KANK4: variants seen among roughly 807,000 people sequenced by gnomAD.
The protein encoded by KANK4 is KN motif and ankyrin repeat domain-containing protein 4.
A neutral mutation model predicts 80.8 loss-of-function variants in KANK4; 50 were observed. The observed-to-expected ratio is 0.62, with a 90% CI of 0.49 to 0.78. KANK4 has a LOEUF of 0.78. Among genes scored for constraint, KANK4 ranks in the 30% least tolerant of loss-of-function variants. KANK4 has a pLI of 0.00. For missense variants in KANK4, 1,196 were observed against 1,240.1 expected (o/e 0.96, Z 0.53); for synonymous variants, 465 against 506.9 (o/e 0.92, Z 1.11).
At position 62,299,230 on chromosome 1, in the gene KANK4, A is replaced by T. The variant is rs187948593; in HGVS notation, c.-70-17596T>A. On this transcript the variant is annotated intron_variant, in intron 1 of 9. Transcript: ENST00000371153. ...ATGCCATGATGCCTGGCTAATTTTT[A>T]AAAAATTTTTTGTAAAGACAGGCTC... is the stretch of plus-strand genomic sequence containing the variant. Among the ~76,000 whole-genome samples, 20 of 152,290 alleles carry T rather than the reference A, an allele frequency of 1.3e-4. 1 individual carries two copies. In the East Asian group the frequency reaches 3.3e-3, roughly 25 times the overall value.
chr1:62,294,457 G>C (rs958232181), intron 1 of KANK4, among the ~76,000 whole-genome samples: 1 of 152,238 alleles, frequency 6.6e-6, no homozygotes, highest in African/African-American at 2.4e-5. Flanking sequence ...GAATTCAGCA[G>C]ATGCCTCTGC....
chr1:62,240,901 T>C (rs944060633), intron 9 of KANK4, among the ~76,000 whole-genome samples: 2 of 152,058 alleles, frequency 1.3e-5, no homozygotes, highest in East Asian at 1.9e-4. Context: ...CTCAATCCCA[T>C]GTACAGAATT....
Position 62,236,393 on chromosome 1 carries a change from C to T in KANK4, c.*1884G>A, listed in dbSNP as rs758182811. ...GAACATTTATTAACGTAGGATGTTG[C>T]TCTTACAATGTATTTTGAGGTCAAA... is the stretch of plus-strand genomic sequence containing the variant. On this transcript the variant is annotated 3_prime_UTR_variant, in exon 10 of 10. Coordinates refer to ENST00000371153, the MANE Select transcript of KANK4 (RefSeq NM_181712.5). Among the ~76,000 whole-genome samples the T allele has an allele frequency of 2.6e-5, 4 of 152,106 alleles. No individual in the cohort carries two copies. The highest frequency in any genetic ancestry group is 4.4e-5 in the Non-Finnish European group (3 of 68,032).
chr1:62,238,267 T>C lies in KANK4; in HGVS notation c.*10A>G. ...GCTTTTGTTCCCCACGGCCAGTTCTTCTGCAGCCCCTACAGCCCCAGGGAC... is the reference window on the plus strand; with the variant it reads ...GCTTTTGTTCCCCACGGCCAGTTCTCCTGCAGCCCCTACAGCCCCAGGGAC... On this transcript the variant is annotated 3_prime_UTR_variant, in exon 10 of 10. Transcript: ENST00000371153. 6.2e-7 allele frequency: 1 copy of C among 1,605,322 alleles called. No homozygotes were observed.
At chr1:62,297,995 C>A (rs2296518) in intron 1 of KANK4, among the ~76,000 whole-genome samples, 32,448 of 152,006 alleles carry the variant, frequency 0.21, 3,821 homozygotes, top group Middle Eastern at 0.35. Context: ...CTGTTGTTCT[C>A]TAGGCAGGGC....
Position 62,273,598 on chromosome 1 carries a change from T to C in KANK4, c.1506A>G (p.Glu502=). The change falls in exon 3 of 10, where the codon GAA becomes GAG. Residue 502 remains glutamate (E), a synonymous_variant. Transcript: ENST00000371153. ...CTCCTTCCTGTTCAGTGCCTGCTTC[T>C]TCAATCCTGAGTTCAGTGGAGAGGA... ...HSFLSTELRI[E]EAGTEQEGGP... The C allele has an allele frequency of 6.2e-7, 1 of 1,614,150 alleles. No individual in the cohort carries two copies. The highest frequency in any genetic ancestry group is 8.5e-7 in the Non-Finnish European group (1 of 1,180,024).
chr1:62,291,045 T>C (rs1405139003), intron 1 of KANK4, among the ~76,000 whole-genome samples: 3 of 152,136 alleles, frequency 2.0e-5, no homozygotes, highest in Non-Finnish European at 4.4e-5. Flanking sequence ...CCACCACACC[T>C]GGCCATTACA....
intron 1 of KANK4, among the ~76,000 whole-genome samples, chr1:62,305,092 T>A (rs1644440279): frequency 6.6e-6 from 1 of 152,152 alleles, no homozygotes; most frequent in Non-Finnish European, 1.5e-5. Context: ...AGACAAGCTG[T>A]GAATCCCCTC....
intron 1 of KANK4, among the ~76,000 whole-genome samples, chr1:62,289,537 C>T (rs1249629038): frequency 6.6e-6 from 1 of 152,144 alleles, no homozygotes; most frequent in African/African-American, 2.4e-5. Context: ...GACTGTCTCC[C>T]AGTACACTGC....
At position 62,300,156 on chromosome 1, in the gene KANK4, A is replaced by G. The variant is rs1245822880; in HGVS notation, c.-70-18522T>C. ...CTCCAGTGGCTCCAGTCTCTCCACG[A>G]CTGCTCAGAGAAAGAGACCACAATG... On this transcript the variant is annotated intron_variant, in intron 1 of 9. Coordinates refer to ENST00000371153, the MANE Select transcript of KANK4 (RefSeq NM_181712.5). Among the ~76,000 whole-genome samples, 6 of 152,132 alleles carry G rather than the reference A, an allele frequency of 3.9e-5. No homozygotes were observed. In the South Asian group the frequency reaches 1.0e-3, roughly 26 times the overall value.
rs994785422 is a variant in KANK4 at position 62,236,418 on chromosome 1, A to G, written c.*1859T>C. Among the ~76,000 whole-genome samples the G allele has an allele frequency of 6.6e-6, 1 of 152,114 alleles. No homozygotes were observed. The highest frequency in any genetic ancestry group is 6.5e-5 in the Admixed American group (1 of 15,270). On this transcript the variant is annotated 3_prime_UTR_variant, in exon 10 of 10. Coordinates refer to ENST00000371153, the MANE Select transcript of KANK4 (RefSeq NM_181712.5). ...CTCTTACAATGTATTTTGAGGTCAAAATAAACTCATTTAAAGCATTTTTTT... is the reference window on the plus strand; with the variant it reads ...CTCTTACAATGTATTTTGAGGTCAAGATAAACTCATTTAAAGCATTTTTTT...
chr1:62,252,455 C>T (rs1671644988), intron 8 of KANK4, among the ~76,000 whole-genome samples: 1 of 152,246 alleles, frequency 6.6e-6, no homozygotes, highest in South Asian at 2.1e-4. Context: ...GCTGAGGCAG[C>T]ATGCCAGGTT....
intron 9 of KANK4, among the ~76,000 whole-genome samples, chr1:62,238,731 G>T (rs1350223051): frequency 6.6e-6 from 1 of 151,718 alleles, no homozygotes; most frequent in Non-Finnish European, 1.5e-5. Context: ...CTGGGCTCAG[G>T]TGATCCTCCA....
At chr1:62,253,931 G>A (rs368653425) in intron 7 of KANK4, among the ~76,000 whole-genome samples, 8 of 152,178 alleles carry the variant, frequency 5.3e-5, no homozygotes, top group African/African-American at 2.4e-5. Flanking sequence ...AGGTCTGTCC[G>A]GCTCTGGTGC....
At chr1:62,305,125 C>CCCCTGCCA (rs1644440511) in intron 1 of KANK4, among the ~76,000 whole-genome samples, 1 of 152,184 alleles carries the variant, frequency 6.6e-6, no homozygotes, top group African/African-American at 2.4e-5. Context: ...AGGGGTTGAC[C>CCCCTGCCA]TTTCCTACGG....
intron 7 of KANK4, among the ~76,000 whole-genome samples, chr1:62,255,173 C>G (rs939879116): frequency 2.0e-5 from 3 of 152,110 alleles, no homozygotes; most frequent in Non-Finnish European, 4.4e-5. Flanking sequence ...GCATGAGCCA[C>G]GGTGCCTAGC....
chr1:62,275,914 G>A (rs946154744), intron 2 of KANK4, among the ~76,000 whole-genome samples: 11 of 148,066 alleles, frequency 7.4e-5, no homozygotes, highest in African/African-American at 2.5e-4. Context: ...GGAAGGGGAA[G>A]GGAAGGGAAA....
At chr1:62,291,322 C>T (rs1335617080) in intron 1 of KANK4, among the ~76,000 whole-genome samples, 1 of 152,194 alleles carries the variant, frequency 6.6e-6, no homozygotes, top group Non-Finnish European at 1.5e-5. Flanking sequence ...TTCACATATT[C>T]AGGATATTAA....
At chr1:62,260,399 T>C (rs1570981455) in intron 7 of KANK4, among the ~76,000 whole-genome samples, 1 of 152,186 alleles carries the variant, frequency 6.6e-6, no homozygotes, top group South Asian at 2.1e-4. Flanking sequence ...TCTTTGTCTG[T>C]CTCTCTGTCT....
Sources: allele counts gnomAD v4.1 joint callset (sites outside exome capture counted in the v4.1 genomes callset), GRCh38; gene constraint gnomAD v4.1.1; transcripts MANE v1.5; gene names NCBI Gene and HGNC (gene_info 2026-07-23, HGNC 2026-07-21).